CAST: variants seen among roughly 807,000 people sequenced by gnomAD.
CAST encodes calpastatin.
Under a neutral mutation model 119.6 loss-of-function variants are expected in CAST, and 76 were observed. The observed-to-expected ratio is 0.64, with a 90% CI of 0.53 to 0.77. CAST has a LOEUF of 0.77. Ranked by LOEUF, CAST falls within the 30% of genes least tolerant of loss-of-function variation. CAST has a pLI of 0.00. For synonymous variants in CAST, 319 were observed against 331.6 expected (o/e 0.96, Z 0.41); for missense variants, 953 against 946.5 (o/e 1.01, Z -0.09).
At chr5:96,661,257 T>TAA (rs59810319), upstream of CAST, among the ~76,000 whole-genome samples, 873 of 67,932 alleles carry the variant, frequency 0.013, 33 homozygotes, top group Admixed American at 0.075. Context: ...TCTCTACCAT[T>TAA]AAAAAAAAAA....
chr5:96,313,432 A>G, the CAST span, among the ~76,000 whole-genome samples: 2 of 152,122 alleles, frequency 1.3e-5, no homozygotes, highest in African/African-American at 2.4e-5. Context: ...GAATCATTCA[A>G]TATGTATTCT....
the CAST span, among the ~76,000 whole-genome samples, chr5:96,011,992 C>T: frequency 1.2e-3 from 181 of 152,168 alleles, 1 homozygote; most frequent in African/African-American, 4.2e-3. Flanking sequence ...GGTAGATGTA[C>T]TGGGTGTCTG....
At chr5:96,426,136 C>CTAAA in the CAST span, among the ~76,000 whole-genome samples, 2 of 152,112 alleles carry the variant, frequency 1.3e-5, no homozygotes, top group African/African-American at 4.8e-5. Flanking sequence ...TAAAGTGCAC[C>CTAAA]TTTAGGGGGA....
the CAST span, among the ~76,000 whole-genome samples, chr5:96,252,762 A>G: frequency 1.3e-5 from 2 of 152,176 alleles, no homozygotes; most frequent in East Asian, 3.8e-4. Context: ...TCTGACCTAG[A>G]TTTCTAAAAT....
At chr5:96,355,107 C>T in the CAST span, among the ~76,000 whole-genome samples, 1 of 152,004 alleles carries the variant, frequency 6.6e-6, no homozygotes, top group Non-Finnish European at 1.5e-5. Context: ...TGGTTTGCTG[C>T]ACCCATTAAC....
intron 1 of CAST, among the ~76,000 whole-genome samples, chr5:96,628,557 C>T (rs1486569309): frequency 6.6e-6 from 1 of 152,184 alleles, no homozygotes; most frequent in Non-Finnish European, 1.5e-5. Context: ...TTAAAAGTAT[C>T]TGGGCTTAGA....
At chr5:96,447,699 A>T in the CAST span, among the ~76,000 whole-genome samples, 1 of 152,158 alleles carries the variant, frequency 6.6e-6, no homozygotes, top group Non-Finnish European at 1.5e-5. Flanking sequence ...AATTACATTT[A>T]TTTATAGGAA....
chr5:96,600,875 A>T (rs1161175166), intron 1 of CAST, among the ~76,000 whole-genome samples: 3 of 152,240 alleles, frequency 2.0e-5, no homozygotes, highest in Admixed American at 1.3e-4. Context: ...AAGTTTGAAG[A>T]TTAAGAAATC....
At chr5:96,193,615 G>A in the CAST span, among the ~76,000 whole-genome samples, 3 of 152,160 alleles carry the variant, frequency 2.0e-5, no homozygotes, top group Admixed American at 2.0e-4. Flanking sequence ...AAATCAATCT[G>A]ATATAATTTG....
At chr5:96,140,528 G>A in the CAST span, among the ~76,000 whole-genome samples, 2 of 152,168 alleles carry the variant, frequency 1.3e-5, no homozygotes, top group Admixed American at 1.3e-4. Flanking sequence ...CTGAAAGCAC[G>A]GTTTTTAGAG....
At chr5:96,105,690 A>T in the CAST span, among the ~76,000 whole-genome samples, 1 of 152,156 alleles carries the variant, frequency 6.6e-6, no homozygotes, top group South Asian at 2.1e-4. Context: ...ATTGGTGTAA[A>T]ATTCTCTTTT....
intron 1 of CAST, among the ~76,000 whole-genome samples, chr5:96,648,958 A>G (rs1379403253): frequency 6.6e-6 from 1 of 152,184 alleles, no homozygotes; most frequent in Non-Finnish European, 1.5e-5. Context: ...TGGTGGATAC[A>G]GGATTCATGT....
At chr5:96,479,281 T>C in the CAST span, among the ~76,000 whole-genome samples, 1 of 152,202 alleles carries the variant, frequency 6.6e-6, no homozygotes, top group African/African-American at 2.4e-5. Context: ...GATTATCTAA[T>C]GTAATTAGTG....
At chr5:96,285,074 T>C in the CAST span, among the ~76,000 whole-genome samples, 3 of 152,196 alleles carry the variant, frequency 2.0e-5, no homozygotes, top group Non-Finnish European at 4.4e-5. Context: ...ATACTTTTCT[T>C]TTTTTTCCAG....
the CAST span, among the ~76,000 whole-genome samples, chr5:96,168,485 G>C: frequency 6.6e-6 from 1 of 152,226 alleles, no homozygotes; most frequent in South Asian, 2.1e-4. Flanking sequence ...TCCTTTGCAA[G>C]AGTGAGGGCT....
the CAST span, among the ~76,000 whole-genome samples, chr5:96,251,097 A>G: frequency 6.6e-6 from 1 of 152,184 alleles, no homozygotes; most frequent in African/African-American, 2.4e-5. Flanking sequence ...AGAGCCAATA[A>G]TCTTAATATT....
chr5:96,318,029 AGTT>A, the CAST span, among the ~76,000 whole-genome samples: 1 of 152,246 alleles, frequency 6.6e-6, no homozygotes, highest in Non-Finnish European at 1.5e-5. Flanking sequence ...TGGCGTGGTC[AGTT>A]GTTGTAACAA....
intron 1 of CAST, among the ~76,000 whole-genome samples, chr5:96,672,066 G>A (rs941354831): frequency 6.6e-6 from 1 of 152,182 alleles, no homozygotes. Flanking sequence ...TTGTCTTAGG[G>A]TGATAATAGT....
intron 1 of CAST, among the ~76,000 whole-genome samples, chr5:96,531,955 T>G (rs1745697194): frequency 6.6e-6 from 1 of 152,136 alleles, no homozygotes; most frequent in Non-Finnish European, 1.5e-5. Flanking sequence ...TAGAAAATAC[T>G]TAAAAATAAA....
Sources: allele counts gnomAD v4.1 joint callset (sites outside exome capture counted in the v4.1 genomes callset), GRCh38; gene constraint gnomAD v4.1.1; transcripts MANE v1.5; gene names NCBI Gene and HGNC (gene_info 2026-07-23, HGNC 2026-07-21).